TRIM49C: variants seen among roughly 807,000 people sequenced by gnomAD.
TRIM49C encodes the protein tripartite motif containing 49C, also known as tripartite motif-containing protein 49C.
Under a neutral mutation model 21.4 loss-of-function variants are expected in TRIM49C, and 6 were observed. The observed-to-expected ratio is 0.28, with a 90% CI of 0.15 to 0.55. The LOEUF is 0.55. Among genes scored for constraint, TRIM49C ranks in the 20% least tolerant of loss-of-function variants. The pLI, the probability that TRIM49C is intolerant of heterozygous loss-of-function variation, is 0.94. For synonymous variants in TRIM49C, 57 were observed against 148.1 expected (o/e 0.38, Z 4.47); for missense variants, 161 against 442.4 (o/e 0.36, Z 5.71).
Position 90,041,425 on chromosome 11 carries a change from T to A in TRIM49C, c.1234T>A (p.Phe412Ile). Residue 412 changes from phenylalanine to isoleucine, a missense_variant, in exon 8 of 8, where the codon TTC (phenylalanine) becomes ATC (isoleucine). By Grantham distance (21) the Phe-to-Ile change is conservative. This residue lies in a region of TRIM49C where 18 missense variants were observed against 60.0 expected (regional missense o/e 0.30). Transcript: ENST00000448984. Reference protein sequence around the residue: ...IPKPTSRVGLFLDCEAKTVSF... With the variant: ...IPKPTSRVGLILDCEAKTVSF... ...AAAACCTACCAGCCGAGTAGGATTATTCCTGGATTGTGAGGCTAAGACTGT... is the reference window on the plus strand; with the variant it reads ...AAAACCTACCAGCCGAGTAGGATTAATCCTGGATTGTGAGGCTAAGACTGT... 1 of 1,576,526 alleles carries A rather than the reference T, an allele frequency of 6.3e-7. No individual in the cohort carries two copies. The highest frequency in any genetic ancestry group is 1.7e-5 in the Admixed American group (1 of 57,976).
At chr11:90,067,284 G>A in the TRIM49C span, among the ~76,000 whole-genome samples, 2 of 139,458 alleles carry the variant, frequency 1.4e-5, 1 homozygote, top group African/African-American at 5.1e-5. Context: ...ATGCTACTGT[G>A]AGCAGCAGAA....
At chr11:90,048,675 T>G in the TRIM49C span, among the ~76,000 whole-genome samples, 1 of 132,720 alleles carries the variant, frequency 7.5e-6, no homozygotes, top group Non-Finnish European at 1.6e-5. Context: ...ATCTAATCTT[T>G]TTTCAAGGTT....
chr11:90,069,886 A>G, the TRIM49C span, among the ~76,000 whole-genome samples: 1 of 105,122 alleles, frequency 9.5e-6, no homozygotes, highest in Non-Finnish European at 1.9e-5. Context: ...TTTAAGCTTC[A>G]TTACTTGTTT....
intron 6 of TRIM49C, among the ~76,000 whole-genome samples, chr11:90,038,959 G>C (rs1171031919): frequency 7.3e-6 from 1 of 137,104 alleles, no homozygotes; most frequent in Non-Finnish European, 1.6e-5. Flanking sequence ...TGGCTCTGTC[G>C]CCCAGGCTGG....
At chr11:90,067,671 A>G in the TRIM49C span, among the ~76,000 whole-genome samples, 1 of 141,390 alleles carries the variant, frequency 7.1e-6, no homozygotes, top group African/African-American at 2.6e-5. Flanking sequence ...CCTACTGTTG[A>G]CTAGAAGCCT....
At chr11:90,054,057 A>C in the TRIM49C span, among the ~76,000 whole-genome samples, 4 of 137,768 alleles carry the variant, frequency 2.9e-5, no homozygotes, top group African/African-American at 1.0e-4. Context: ...TTATTATGGA[A>C]GCATTTTAGA....
chr11:90,039,218 C>T (rs1482908506), intron 6 of TRIM49C, among the ~76,000 whole-genome samples: 1 of 131,982 alleles, frequency 7.6e-6, no homozygotes, highest in Non-Finnish European at 1.6e-5. Flanking sequence ...CGTGCCCGGC[C>T]CCTGATTTTG....
At chr11:90,051,994 G>C in the TRIM49C span, 16 of 1,064,866 alleles carry the variant, frequency 1.5e-5, 3 homozygotes, top group East Asian at 6.7e-5. Flanking sequence ...GCCCTTCCGC[G>C]CTGCCCTCTT....
Position 90,031,911 on chromosome 11 carries a change from T to C in TRIM49C, c.-190-486T>C, listed in dbSNP as rs1286172309. Among the ~76,000 whole-genome samples, 2 of 135,506 alleles carry C rather than the reference T, an allele frequency of 1.5e-5. 1 individual carries two copies. The highest frequency in any genetic ancestry group is 1.7e-4 in the Admixed American group (2 of 11,770). 88.9% of individuals were successfully genotyped at this position (135,506 alleles called of 152,430 possible). ...GGAAGGCCGAGACCAGAGGACCACT[T>C]GAAGCCAGGAGCTGGAGAACAGCAT... On this transcript the variant is annotated intron_variant, in intron 1 of 7. Coordinates refer to ENST00000448984, the MANE Select transcript of TRIM49C (RefSeq NM_001195234.1).
At chr11:90,070,636 T>C in the TRIM49C span, among the ~76,000 whole-genome samples, 1 of 140,256 alleles carries the variant, frequency 7.1e-6, no homozygotes, top group East Asian at 2.2e-4. Context: ...CTGCCATCAT[T>C]ACTTTGTCAG....
the TRIM49C span, among the ~76,000 whole-genome samples, chr11:90,067,435 T>C: frequency 6.8e-6 from 1 of 148,028 alleles, no homozygotes; most frequent in Admixed American, 6.8e-5. Flanking sequence ...CATGGTAAAA[T>C]ACACTATCAC....
At chr11:90,052,174 C>T in the TRIM49C span, 1 of 365,094 alleles carries the variant, frequency 2.7e-6, no homozygotes, top group East Asian at 5.4e-5. Context: ...GAGGCCGGCT[C>T]TTGGGGATTC....
chr11:90,062,917 T>C, the TRIM49C span: 3 of 1,433,246 alleles, frequency 2.1e-6, 1 homozygote, highest in Non-Finnish European at 2.8e-6. Flanking sequence ...CCACAGTCAA[T>C]GGTGACCGGT....
At chr11:90,063,059 T>C in the TRIM49C span, 2 of 1,404,450 alleles carry the variant, frequency 1.4e-6, no homozygotes, top group Non-Finnish European at 9.3e-7. Context: ...TTTACCCCGA[T>C]GAAAAGGAAA....
chr11:90,039,822 T>C lies in TRIM49C; in HGVS notation c.762-43T>C, dbSNP rs1278752095. ...ATATACAAATAGTGATTTTTATTTA[T>C]TTTATGGCTGTAGATGTTGTAACTG... On this transcript the variant is annotated intron_variant, in intron 6 of 7. Transcript: ENST00000448984. 3.3e-6 allele frequency: 4 copies of C among 1,209,610 alleles called. 1 individual carries two copies. Among genetic ancestry groups the C allele is most frequent in the Middle Eastern group, 2.7e-4 (1 of 3,676 alleles). The allele number at this position is 1,209,610 out of a possible 1,614,324, so 74.9% of individuals were successfully genotyped here. A position where few individuals can be genotyped will look rare whatever the true frequency, so the allele number is the denominator to read the frequency against.
At chr11:90,059,874 C>T in the TRIM49C span, among the ~76,000 whole-genome samples, 2 of 146,786 alleles carry the variant, frequency 1.4e-5, no homozygotes, top group Non-Finnish European at 3.0e-5. Context: ...CCCTCCTCAG[C>T]CCTTCCTTAG....
downstream of TRIM49C, among the ~76,000 whole-genome samples, chr11:90,045,107 AG>A (rs1350365170): frequency 1.5e-5 from 2 of 132,714 alleles, no homozygotes; most frequent in Non-Finnish European, 3.2e-5. Context: ...ATTATTTCTG[AG>A]GGCTCTGTTC....
chr11:90,046,931 T>C (rs1263034506), downstream of TRIM49C, among the ~76,000 whole-genome samples: 2 of 125,866 alleles, frequency 1.6e-5, 1 homozygote, highest in Non-Finnish European at 3.2e-5. Flanking sequence ...CTCTACACAC[T>C]GCTTTAAATG....
chr11:90,069,809 T>C, the TRIM49C span, among the ~76,000 whole-genome samples: 1 of 105,784 alleles, frequency 9.5e-6, no homozygotes, highest in Admixed American at 1.1e-4. Flanking sequence ...AAGGTAAATA[T>C]GTCAAGTGTA....
Sources: gnomAD v4.1 joint callset for allele counts (sites outside exome capture counted in the v4.1 genomes callset) on GRCh38, gnomAD v4.1.1 for gene constraint, gnomAD v4.1.1 regional missense constraint, MANE v1.5 for transcripts, NCBI Gene and HGNC (gene_info 2026-07-23, HGNC 2026-07-21) for gene names.